The following NAB1 variants were observed in gnomAD, a reference collection of about 807,000 sequenced individuals.
NAB1 encodes the protein NGFI-A binding protein 1.
NAB1 carries 25 observed loss-of-function variants against 49.9 expected under a neutral mutation model. The observed-to-expected ratio is 0.50, with a 90% CI of 0.37 to 0.70. NAB1 has a LOEUF of 0.70. NAB1 is among the 30% of genes least tolerant of loss of function. NAB1 has a pLI of 0.00. For synonymous variants in NAB1, 198 were observed against 215.6 expected, an observed-to-expected ratio of 0.92 and a Z score of 0.71; for missense variants, 489 against 575.9, an observed-to-expected ratio of 0.85 and a Z score of 1.54.
At chr2:190,660,751 CT>C (rs1694180337) in intron 4 of NAB1, among the ~76,000 whole-genome samples, 1 of 152,066 alleles carries the variant, frequency 6.6e-6, no homozygotes, top group African/African-American at 2.4e-5. Flanking sequence ...CCTACATATA[CT>C]TTTGTCACAA....
Position 190,667,686 on chromosome 2 carries a change from C to T in NAB1, c.820-2640C>T, listed in dbSNP as rs1694593737. ...AGTGGCCAAATTAATTGTCTCAGAA[C>T]AAATTAATATAAATTACAGTTATAA... On this transcript the variant is annotated intron_variant, in intron 4 of 9. Transcript: ENST00000337386. This position sits in a 1 kb window ranked among gnomAD's most constrained non-coding sequence, Gnocchi z 4.4. Among the ~76,000 whole-genome samples the T allele has an allele frequency of 6.6e-6, 1 of 151,972 alleles. No homozygotes were observed. The highest frequency in any genetic ancestry group is 2.4e-5 in the African/African-American group (1 of 41,362).
rs1695505952 is a variant in NAB1 at position 190,684,426 on chromosome 2, A to G, written c.1095+599A>G. On this transcript the variant is annotated intron_variant, in intron 7 of 9. Transcript: ENST00000337386. This position sits in a 1 kb window ranked among gnomAD's most constrained non-coding sequence, Gnocchi z 4.6. ...TAAGTTGCTTTTGATCAAATTTAGTACTGCTAAGTTTTGTTTTTTTCATGT... is the reference window on the plus strand; with the variant it reads ...TAAGTTGCTTTTGATCAAATTTAGTGCTGCTAAGTTTTGTTTTTTTCATGT... 6.7e-6 allele frequency among the ~76,000 whole-genome samples: 1 copy of G among 149,904 alleles called. No individual in the cohort carries two copies. Among genetic ancestry groups the G allele is most frequent in the Non-Finnish European group, 1.5e-5 (1 of 67,926 alleles).
chr2:190,692,485 TGCTA>T lies in NAB1; in HGVS notation c.*2153_*2156del, dbSNP rs1695974261. The T allele has an allele frequency of 6.5e-6, 1 of 152,690 alleles. No homozygotes were observed. 9.5% of individuals were successfully genotyped at this position (152,690 alleles called of 1,614,324 possible). A position where few individuals can be genotyped will look rare whatever the true frequency, so the allele number is the denominator to read the frequency against. ...TTTGTAAACACTAATGTATTAAACT[TGCTA>T]TACATTAAAGCAAATAATATATATT... On this transcript the variant is annotated 3_prime_UTR_variant, in exon 10 of 10. Transcript: ENST00000337386. The surrounding 1 kb of genome is among the most constrained non-coding windows in gnomAD (Gnocchi z 5.2).
Position 190,675,777 on chromosome 2 carries a change from G to C in NAB1, c.1005+2625G>C, listed in dbSNP as rs1335576228. Among the ~76,000 whole-genome samples the C allele has an allele frequency of 6.6e-6, 1 of 152,054 alleles. No homozygotes were observed. The highest frequency in any genetic ancestry group is 1.5e-5 in the Non-Finnish European group (1 of 68,004). On this transcript the variant is annotated intron_variant, in intron 6 of 9. Transcript: ENST00000337386. This position sits in a 1 kb window ranked among gnomAD's most constrained non-coding sequence, Gnocchi z 5.2. ...TAGGACAGTGGCTCACTTTTTTGTT[G>C]TTGGTTTGTTTTTAATTTTGTTCTG...
At position 190,684,388 on chromosome 2, in the gene NAB1, A is replaced by G. The variant is rs1695504280; in HGVS notation, c.1095+561A>G. Among the ~76,000 whole-genome samples the G allele has an allele frequency of 6.6e-6, 1 of 152,344 alleles. No individual in the cohort carries two copies. The highest frequency in any genetic ancestry group is 2.1e-4 in the South Asian group (1 of 4,834). On this transcript the variant is annotated intron_variant, in intron 7 of 9. Coordinates refer to ENST00000337386, the MANE Select transcript of NAB1 (RefSeq NM_005966.4). The surrounding 1 kb of genome is among the most constrained non-coding windows in gnomAD (Gnocchi z 4.6). ...CTGTAAACTTTTATTCCTATTGAAC[A>G]GCTTCTTTGTAATAAGTTGCTTTTG...
In NAB1 at chr2:190,669,998, G is replaced by T. The variant is rs1481405331; in HGVS notation, c.820-328G>T. On this transcript the variant is annotated intron_variant, in intron 4 of 9. Coordinates refer to ENST00000337386, the MANE Select transcript of NAB1 (RefSeq NM_005966.4). This position sits in a 1 kb window ranked among gnomAD's most constrained non-coding sequence, Gnocchi z 4.3. ...GCAAATCCTGTATTCTAATATTTTG[G>T]GTTTTTTTATAAGCGAGTTGCAGAA... 6.6e-6 allele frequency among the ~76,000 whole-genome samples: 1 copy of T among 151,750 alleles called. No homozygotes were observed. The highest frequency in any genetic ancestry group is 1.5e-5 in the Non-Finnish European group (1 of 67,916).
intron 9 of NAB1, among the ~76,000 whole-genome samples, chr2:190,688,904 G>A (rs4853728): frequency 0.98 from 148,336 of 151,696 alleles, 72,587 homozygotes; most frequent in Middle Eastern, 1. Context: ...CAGTGGCTCA[G>A]TCTCGGCTCA....
In NAB1 at chr2:190,691,924, T is replaced by A. The variant is rs1477186714; in HGVS notation, c.*1591T>A. ...TAAATTGCTTCTTCATTTTAATTTG[T>A]AGAAGTACTTTACAGTAGGAAACGC... On this transcript the variant is annotated 3_prime_UTR_variant, in exon 10 of 10. Transcript: ENST00000337386. The surrounding 1 kb of genome is among the most constrained non-coding windows in gnomAD (Gnocchi z 4.1). The A allele has an allele frequency of 6.6e-6, 1 of 152,640 alleles. No individual in the cohort carries two copies. The highest frequency in any genetic ancestry group is 1.5e-5 in the Non-Finnish European group (1 of 68,018). The allele number at this position is 152,640 out of a possible 1,614,324, so 9.5% of individuals were successfully genotyped here.
In NAB1 at chr2:190,659,786, G is replaced by A. The variant is rs767391567; in HGVS notation, c.610G>A (p.Glu204Lys). The change falls in exon 4 of 10, where the codon GAG (glutamate) becomes AAG (lysine). Residue 204 changes from glutamate to lysine, a missense_variant. By Grantham distance (56) the Glu-to-Lys change is moderately conservative. This residue lies in a region of NAB1 where 204 missense variants were observed against 220.9 expected (regional missense o/e 0.92). Coordinates refer to ENST00000337386, the MANE Select transcript of NAB1 (RefSeq NM_005966.4). The surrounding 1 kb of genome is among the most constrained non-coding windows in gnomAD (Gnocchi z 6.2). ...TGCGCTCTCTGTGGCTGAGTGTGTG[G>A]AGCGGATGGCCCCCACACTGCCAAA... ...AAALSVAECVERMAPTLPKSD... is the reference protein window; with the variant it reads ...AAALSVAECVKRMAPTLPKSD... The A allele has an allele frequency of 6.2e-7, 1 of 1,614,148 alleles. No individual in the cohort carries two copies. Among genetic ancestry groups the A allele is most frequent in the Non-Finnish European group, 8.5e-7 (1 of 1,180,024 alleles).
Position 190,677,902 on chromosome 2 carries a change from C to T in NAB1, c.1005+4750C>T, listed in dbSNP as rs1038588492. Among the ~76,000 whole-genome samples, 4 of 152,146 alleles carry T rather than the reference C, an allele frequency of 2.6e-5. No homozygotes were observed. The highest frequency in any genetic ancestry group is 4.4e-5 in the Non-Finnish European group (3 of 68,034). ...TGAAAAAAACACTATTGGGGTTATA[C>T]CTTTCCTCCTAGTACCGTGTGAAGG... is the stretch of plus-strand genomic sequence containing the variant. On this transcript the variant is annotated intron_variant, in intron 6 of 9. Coordinates refer to ENST00000337386, the MANE Select transcript of NAB1 (RefSeq NM_005966.4). This position sits in a 1 kb window ranked among gnomAD's most constrained non-coding sequence, Gnocchi z 5.6.
rs1432493951 is a variant in NAB1, at chr2:190,649,473, A to G, written c.-334+113A>G. 6.6e-6 allele frequency: 1 copy of G among 151,714 alleles called. No homozygotes were observed. The highest frequency in any genetic ancestry group is 2.4e-5 in the African/African-American group (1 of 41,266). The allele number at this position is 151,714 out of a possible 1,614,324, so 9.4% of individuals were successfully genotyped here. On this transcript the variant is annotated intron_variant, in intron 1 of 9. Transcript: ENST00000337386. The surrounding 1 kb of genome is among the most constrained non-coding windows in gnomAD (Gnocchi z 6.1). ...GGCTGAGTCGCGGGGCCACGCGGGC[A>G]CTTTGGGGGCGGTGTCCGGGGGAAG...
rs144418036 is a variant in NAB1 at position 190,659,263 on chromosome 2, C to T, written c.87C>T (p.Ala29=). ...CCAATCTACTTTCTTATTTTGATGC[C>T]TTTATCCAACAAGGTGGTGATGATG... ...QKANLLSYFD[A]FIQQGGDDVQ... Residue 29 remains alanine (A), a synonymous_variant, in exon 4 of 10, where the codon GCC becomes GCT. Coordinates refer to ENST00000337386, the MANE Select transcript of NAB1 (RefSeq NM_005966.4). The surrounding 1 kb of genome is among the most constrained non-coding windows in gnomAD (Gnocchi z 6.2). 6.8e-6 allele frequency: 11 copies of T among 1,613,832 alleles called. No individual in the cohort carries two copies. Among genetic ancestry groups the T allele is most frequent in the Non-Finnish European group, 9.3e-6 (11 of 1,180,012 alleles).
chr2:190,670,591 A>C lies in NAB1; in HGVS notation c.953+132A>C. ...GATTATTGTTCTATGAAACTAAACA[A>C]TGCAGTGATTTTGAAAACATTGCCA... is the stretch of plus-strand genomic sequence containing the variant. On this transcript the variant is annotated intron_variant, in intron 5 of 9. Transcript: ENST00000337386. The surrounding 1 kb of genome is among the most constrained non-coding windows in gnomAD (Gnocchi z 5.3). The C allele has an allele frequency of 3.1e-6, 3 of 974,546 alleles. No homozygotes were observed. The highest frequency in any genetic ancestry group is 4.5e-6 in the Non-Finnish European group (3 of 673,562). 60.4% of individuals were successfully genotyped at this position (974,546 alleles called of 1,614,324 possible).
In NAB1 at chr2:190,675,224, CTA is replaced by C. The variant is rs936089244; in HGVS notation, c.1005+2074_1005+2075del. On this transcript the variant is annotated intron_variant, in intron 6 of 9. Coordinates refer to ENST00000337386, the MANE Select transcript of NAB1 (RefSeq NM_005966.4). The surrounding 1 kb of genome is among the most constrained non-coding windows in gnomAD (Gnocchi z 5.2). ...TGCTAGGCTAGAAATATGTCTCTAT[CTA>C]TTTCTCACCATTGGCCCTAAGTGTG... Among the ~76,000 whole-genome samples, 1 of 152,140 alleles carries C rather than the reference CTA, an allele frequency of 6.6e-6. No homozygotes were observed. The highest frequency in any genetic ancestry group is 1.5e-5 in the Non-Finnish European group (1 of 68,036).
chr2:190,663,658 A>G lies in NAB1; in HGVS notation c.819+3663A>G, dbSNP rs935012046. Among the ~76,000 whole-genome samples, 3 of 152,150 alleles carry G rather than the reference A, an allele frequency of 2.0e-5. No individual in the cohort carries two copies. The highest frequency in any genetic ancestry group is 4.4e-5 in the Non-Finnish European group (3 of 68,016). ...TCTTGCTTGTGCTGTACACGTGTAT[A>G]TATTTGTCTCCTCTCTTAGTTATTT... On this transcript the variant is annotated intron_variant, in intron 4 of 9. Coordinates refer to ENST00000337386, the MANE Select transcript of NAB1 (RefSeq NM_005966.4). The surrounding 1 kb of genome is among the most constrained non-coding windows in gnomAD (Gnocchi z 4.2).
At position 190,689,976 on chromosome 2, in the gene NAB1, T is replaced by G. The variant is rs1412750917; in HGVS notation, c.1376-269T>G. Among the ~76,000 whole-genome samples, 1 of 148,980 alleles carries G rather than the reference T, an allele frequency of 6.7e-6. No homozygotes were observed. Among genetic ancestry groups the G allele is most frequent in the African/African-American group, 2.4e-5 (1 of 41,008 alleles). On this transcript the variant is annotated intron_variant, in intron 9 of 9. Transcript: ENST00000337386. This position sits in a 1 kb window ranked among gnomAD's most constrained non-coding sequence, Gnocchi z 4.3. ...TTTTATAAATGAAGACATTAAGGCT[T>G]AGAGAGGTGTATAACTTGCCCAGAG...
rs1414559817 is a variant in NAB1 at position 190,685,721 on chromosome 2, T to C, written c.1258+83T>C. 1 of 1,109,580 alleles carries C rather than the reference T, an allele frequency of 9.0e-7. No individual in the cohort carries two copies. The highest frequency in any genetic ancestry group is 2.9e-5 in the East Asian group (1 of 34,576). The allele number at this position is 1,109,580 out of a possible 1,614,324, so 68.7% of individuals were successfully genotyped here. A position where few individuals can be genotyped will look rare whatever the true frequency, so the allele number is the denominator to read the frequency against. Reference sequence around the variant, plus strand: ...CAGAAGACAGTGGCTGATTTTTAAATTATGATATTTTGTAGAGATTATTTT... The same window carrying C: ...CAGAAGACAGTGGCTGATTTTTAAACTATGATATTTTGTAGAGATTATTTT... On this transcript the variant is annotated intron_variant, in intron 8 of 9. Coordinates refer to ENST00000337386, the MANE Select transcript of NAB1 (RefSeq NM_005966.4). This position sits in a 1 kb window ranked among gnomAD's most constrained non-coding sequence, Gnocchi z 4.5.
rs916369707 is a variant in NAB1, at chr2:190,674,184, C to CT, written c.1005+1041dup. ...TACTGTACCTGGAATAAAATCTAAA[C>CT]TTTTTTTTTAAAGGATCTAAGACCC... On this transcript the variant is annotated intron_variant, in intron 6 of 9. Coordinates refer to ENST00000337386, the MANE Select transcript of NAB1 (RefSeq NM_005966.4). This position sits in a 1 kb window ranked among gnomAD's most constrained non-coding sequence, Gnocchi z 5.7. Among the ~76,000 whole-genome samples, 12 of 151,714 alleles carry CT rather than the reference C, an allele frequency of 7.9e-5. No individual in the cohort carries two copies. The highest frequency in any genetic ancestry group is 2.1e-4 in the South Asian group (1 of 4,800).
At position 190,678,729 on chromosome 2, in the gene NAB1, C is replaced by T. The variant is rs1482081406; in HGVS notation, c.1006-5009C>T. Reference sequence around the variant, plus strand: ...GAGGAAAGAGGTTCAGAATATCCACCTACGCTGCTACTAAGCTTGTTGAAA... The same window carrying T: ...GAGGAAAGAGGTTCAGAATATCCACTTACGCTGCTACTAAGCTTGTTGAAA... On this transcript the variant is annotated intron_variant, in intron 6 of 9. Transcript: ENST00000337386. The surrounding 1 kb of genome is among the most constrained non-coding windows in gnomAD (Gnocchi z 4.9). Among the ~76,000 whole-genome samples, 1 of 152,164 alleles carries T rather than the reference C, an allele frequency of 6.6e-6. No homozygotes were observed. Among genetic ancestry groups the T allele is most frequent in the Non-Finnish European group, 1.5e-5 (1 of 68,026 alleles).
Sources: allele counts gnomAD v4.1 joint callset (sites outside exome capture counted in the v4.1 genomes callset), GRCh38; gene constraint gnomAD v4.1.1; regional missense constraint gnomAD v4.1.1; non-coding constraint Gnocchi (gnomAD v3.1); transcripts MANE v1.5; gene names NCBI Gene and HGNC (gene_info 2026-07-23, HGNC 2026-07-21).